The following SPHKAP variants were observed in gnomAD, a reference collection of about 807,000 sequenced individuals.
The protein encoded by SPHKAP is SPHK1 interactor, AKAP domain containing.
SPHKAP carries 67 observed loss-of-function variants against 137.5 expected under a neutral mutation model. The ratio of observed to expected loss-of-function variants is 0.49; its 90% CI spans 0.40 to 0.60. SPHKAP has a LOEUF of 0.60. SPHKAP is among the 20% of genes least tolerant of loss of function. The pLI is 0.00. For missense variants in SPHKAP, 2,097 were observed against 2,069.3 expected (o/e 1.01, Z -0.26); for synonymous variants, 813 against 785.3 (o/e 1.04, Z -0.59).
At position 228,084,405 on chromosome 2, in the gene SPHKAP, T is replaced by G. The variant is rs191006857; in HGVS notation, c.246+24427A>C. 2.6e-5 allele frequency among the ~76,000 whole-genome samples: 4 copies of G among 152,330 alleles called. No homozygotes were observed. The East Asian group carries it at 7.7e-4, about 29-fold the overall frequency. The stretch of plus-strand genomic sequence containing the variant: ...GCTAAGTCTAAAGGCTGCATAAATT[T>G]TTCCTATAATTATTAACAAACTAAG... On this transcript the variant is annotated intron_variant, in intron 3 of 11. Coordinates refer to ENST00000392056, the MANE Select transcript of SPHKAP (RefSeq NM_001142644.2).
At chr2:228,008,714 T>C (rs1694240240) in intron 7 of SPHKAP, among the ~76,000 whole-genome samples, 1 of 151,852 alleles carries the variant, frequency 6.6e-6, no homozygotes, top group African/African-American at 2.4e-5. Context: ...AATGTCCAGT[T>C]GTTTCTGTAC....
chr2:228,036,170 TCAAACAAATTTACAAGAAAAAAA>T (rs1695584432), intron 3 of SPHKAP, among the ~76,000 whole-genome samples: 1 of 149,484 alleles, frequency 6.7e-6, no homozygotes, highest in Non-Finnish European at 1.5e-5. Flanking sequence ...TACAATGAAC[TCAAACAAATTTACAAGAAAAAAA>T]CAAACAACCC....
At chr2:227,994,004 G>A (rs893555533) in intron 8 of SPHKAP, 38 of 978,120 alleles carry the variant, frequency 3.9e-5, no homozygotes, top group Non-Finnish European at 4.6e-5. Flanking sequence ...GGGGACACCT[G>A]CAGAGATGAA....
chr2:227,986,134 T>C (rs1693201333), intron 11 of SPHKAP, among the ~76,000 whole-genome samples: 1 of 152,236 alleles, frequency 6.6e-6, no homozygotes, highest in African/African-American at 2.4e-5. Flanking sequence ...TTTAAGGCAC[T>C]TTCCTATGAT....
intron 1 of SPHKAP, among the ~76,000 whole-genome samples, chr2:228,172,186 A>G (rs1700605696): frequency 6.6e-6 from 1 of 152,208 alleles, no homozygotes; most frequent in African/African-American, 2.4e-5. Flanking sequence ...ATGATAATGT[A>G]GCACCGTATT....
intron 3 of SPHKAP, among the ~76,000 whole-genome samples, chr2:228,100,461 A>G (rs1433741397): frequency 6.6e-6 from 1 of 152,074 alleles, no homozygotes; most frequent in Non-Finnish European, 1.5e-5. Context: ...TTTTTTCAGT[A>G]TAATGTTGAC....
At chr2:228,014,385 T>C (rs1694488542) in intron 7 of SPHKAP, among the ~76,000 whole-genome samples, 1 of 152,234 alleles carries the variant, frequency 6.6e-6, no homozygotes. Context: ...TTTAAAAAAT[T>C]TGTAATTCTC....
At chr2:228,082,574 G>T (rs1165462639) in intron 3 of SPHKAP, among the ~76,000 whole-genome samples, 2 of 152,142 alleles carry the variant, frequency 1.3e-5, no homozygotes, top group Non-Finnish European at 2.9e-5. Context: ...ATAATTAAGG[G>T]ATCCTCTGTC....
chr2:228,058,759 C>T (rs993897932), intron 3 of SPHKAP, among the ~76,000 whole-genome samples: 8 of 152,150 alleles, frequency 5.3e-5, no homozygotes, highest in South Asian at 4.1e-4. Flanking sequence ...CATAAATTCC[C>T]AAATAGAAGA....
At chr2:228,106,822 G>A (rs1314084952) in intron 3 of SPHKAP, among the ~76,000 whole-genome samples, 1 of 152,154 alleles carries the variant, frequency 6.6e-6, no homozygotes, top group Non-Finnish European at 1.5e-5. Context: ...AAAGACAGGG[G>A]ATTTGGAAAT....
chr2:228,093,881 A>C (rs1036143427), intron 3 of SPHKAP, among the ~76,000 whole-genome samples: 8 of 150,974 alleles, frequency 5.3e-5, no homozygotes, highest in Non-Finnish European at 8.9e-5. Context: ...AAAAAAAAAA[A>C]AAAAACAAAG....
chr2:228,154,023 T>A lies in SPHKAP; in HGVS notation c.33-21938A>T, dbSNP rs1171432504. Among the ~76,000 whole-genome samples, 3 of 152,332 alleles carry A rather than the reference T, an allele frequency of 2.0e-5. No homozygotes were observed. The East Asian group carries it at 5.8e-4, about 29-fold the overall frequency. ...TGGCAAATAGGATGTCAATCTTTGA[T>A]GACTCCTCACTCTCGCTCAGTTAAA... On this transcript the variant is annotated intron_variant, in intron 1 of 11. Transcript: ENST00000392056.
At chr2:228,154,038 G>T (rs1298727746) in intron 1 of SPHKAP, among the ~76,000 whole-genome samples, 1 of 151,988 alleles carries the variant, frequency 6.6e-6, no homozygotes, top group African/African-American at 2.4e-5. Context: ...CCTCACTCTC[G>T]CTCAGTTAAA....
chr2:228,128,244 G>A (rs1699138882), intron 2 of SPHKAP, among the ~76,000 whole-genome samples: 1 of 152,158 alleles, frequency 6.6e-6, no homozygotes, highest in Non-Finnish European at 1.5e-5. Context: ...TATCAATTAA[G>A]TTTACGTAAT....
At chr2:228,030,549 A>AT (rs56784157) in intron 3 of SPHKAP, among the ~76,000 whole-genome samples, 7 of 123,194 alleles carry the variant, frequency 5.7e-5, no homozygotes, top group South Asian at 2.9e-4. Context: ...AAAACAAAAA[A>AT]AAAAAAATAA....
intron 1 of SPHKAP, among the ~76,000 whole-genome samples, chr2:228,162,433 G>C (rs1275504207): frequency 6.6e-6 from 1 of 152,174 alleles, no homozygotes. Context: ...CTTAATTACT[G>C]ATTGGTAAGC....
At chr2:228,089,364 T>C (rs1464495747) in intron 3 of SPHKAP, among the ~76,000 whole-genome samples, 1 of 152,218 alleles carries the variant, frequency 6.6e-6, no homozygotes, top group African/African-American at 2.4e-5. Context: ...AGTGGCAGCA[T>C]GACTGCTTCT....
chr2:228,136,091 C>T (rs986531825), intron 1 of SPHKAP, among the ~76,000 whole-genome samples: 1 of 152,068 alleles, frequency 6.6e-6, no homozygotes, highest in African/African-American at 2.4e-5. Context: ...CAGGATGAGG[C>T]AGAGATGGCA....
intron 3 of SPHKAP, among the ~76,000 whole-genome samples, chr2:228,029,554 T>C (rs143208584): frequency 5.3e-5 from 8 of 152,222 alleles, no homozygotes; most frequent in Non-Finnish European, 7.4e-5. Flanking sequence ...AGAAAGGGCA[T>C]GAAAGGACCC....
Sources: allele counts gnomAD v4.1 joint callset (sites outside exome capture counted in the v4.1 genomes callset), GRCh38; gene constraint gnomAD v4.1.1; transcripts MANE v1.5; gene names NCBI Gene and HGNC (gene_info 2026-07-23, HGNC 2026-07-21).